The following CACNA2D4 variants were observed in gnomAD, a reference collection of about 807,000 sequenced individuals.
CACNA2D4 encodes voltage-dependent calcium channel subunit alpha-2/delta-4.
CACNA2D4 carries 157 observed loss-of-function variants against 163.8 expected under a neutral mutation model. The ratio of observed to expected loss-of-function variants is 0.96; its 90% confidence interval spans 0.84 to 1.09. The LOEUF is 1.09. Among genes scored for constraint, CACNA2D4 ranks in the 50% least tolerant of loss-of-function variants. The probability of loss-of-function intolerance (pLI) is 0.00; values close to 1 mark genes in which losing one functional copy is unlikely to be tolerated. For missense variants in CACNA2D4, 1,410 were observed against 1,479.9 expected (o/e 0.95, Z 0.78); for synonymous variants, 598 against 586.9 (o/e 1.02, Z -0.27).
intron 6 of CACNA2D4, among the ~76,000 whole-genome samples, chr12:1,892,059 A>G (rs1005398012): frequency 1.1e-4 from 16 of 152,166 alleles, no homozygotes; most frequent in Non-Finnish European, 1.9e-4. Context: ...TGACATCAGG[A>G]CACAGGAAGC....
chr12:1,882,378 C>G (rs1159266185), intron 13 of CACNA2D4, among the ~76,000 whole-genome samples: 2 of 152,234 alleles, frequency 1.3e-5, no homozygotes, highest in South Asian at 4.1e-4. Flanking sequence ...TCTCCCTTCC[C>G]CAGAAAGGTC....
intron 26 of CACNA2D4, among the ~76,000 whole-genome samples, chr12:1,812,536 C>T (rs2154445903): frequency 6.6e-6 from 1 of 152,242 alleles, no homozygotes; most frequent in East Asian, 1.9e-4. Context: ...GGCCAGCTTC[C>T]TAGTGTCTGG....
At chr12:1,794,085 G>T (rs1863045730) in intron 37 of CACNA2D4, among the ~76,000 whole-genome samples, 1 of 152,124 alleles carries the variant, frequency 6.6e-6, no homozygotes, top group Non-Finnish European at 1.5e-5. Flanking sequence ...TGAAGCACCC[G>T]GCTCAGGGCC....
chr12:1,839,912 T>C (rs1206908330), intron 26 of CACNA2D4, among the ~76,000 whole-genome samples: 2 of 152,184 alleles, frequency 1.3e-5, no homozygotes, highest in Non-Finnish European at 2.9e-5. Flanking sequence ...CCCCGCTAGT[T>C]GGGTTGCTTT....
intron 26 of CACNA2D4, chr12:1,827,887 T>TGC (rs1475850974): frequency 1.0e-5 from 4 of 390,980 alleles, no homozygotes; most frequent in African/African-American, 8.3e-5. Flanking sequence ...AGCCGAAGCC[T>TGC]GCCCCGCCCC....
rs1210337404 is a variant in CACNA2D4 at position 1,844,186 on chromosome 12, G to C, written c.2470+216C>G. Among the ~76,000 whole-genome samples, 1 of 152,182 alleles carries C rather than the reference G, an allele frequency of 6.6e-6. No individual in the cohort carries two copies. Among genetic ancestry groups the C allele is most frequent in the African/African-American group, 2.4e-5 (1 of 41,436 alleles). On this transcript the variant is annotated intron_variant, in intron 25 of 37. Coordinates refer to ENST00000382722, the MANE Select transcript of CACNA2D4 (RefSeq NM_172364.5). This position sits in a 1 kb window ranked among gnomAD's most constrained non-coding sequence, Gnocchi z 4.2. ...GGCTGGCTAGGGAATCAAATGATCAGGCTCACCTTCAGCGTGGGACCTGTG... is the reference window on the plus strand; with the variant it reads ...GGCTGGCTAGGGAATCAAATGATCACGCTCACCTTCAGCGTGGGACCTGTG...
intron 9 of CACNA2D4, 25 bp downstream of exon 9, chr12:1,885,940 G>A: frequency 6.4e-7 from 1 of 1,566,462 alleles, no homozygotes; most frequent in Non-Finnish European, 8.8e-7. Context: ...GGGCTTGGAA[G>A]TCTCAGGCCA....
In CACNA2D4 at chr12:1,910,882, G is replaced by A. The variant is rs145993955; in HGVS notation, c.427-917C>T. 4.7e-3 allele frequency among the ~76,000 whole-genome samples: 709 copies of A among 152,216 alleles called. 2 individuals are homozygous for A. Among genetic ancestry groups the A allele is most frequent in the African/African-American group, 0.016 (681 of 41,538 alleles). ...GGGAGTGATTGCTTACTTAGTAACC[G>A]GATTCTGTTTGGGGCGATGAAAAAG... On this transcript the variant is annotated intron_variant, in intron 3 of 37. Coordinates refer to ENST00000382722, the MANE Select transcript of CACNA2D4 (RefSeq NM_172364.5).
In CACNA2D4 at chr12:1,792,356, C is replaced by T. The variant is rs1400957754; in HGVS notation, c.*1299G>A. On this transcript the variant is annotated 3_prime_UTR_variant, in exon 38 of 38. Coordinates refer to ENST00000382722, the MANE Select transcript of CACNA2D4 (RefSeq NM_172364.5). The stretch of plus-strand genomic sequence containing the variant: ...GTGTTTTACAGAGTTGGCATTTGGC[C>T]TACTCTAGAGGCAAGTTAGGGCTAT... The T allele has an allele frequency of 2.0e-5, 3 of 152,230 alleles. No homozygotes were observed. Among genetic ancestry groups the T allele is most frequent in the African/African-American group, 7.2e-5 (3 of 41,440 alleles). 9.4% of individuals were successfully genotyped at this position (152,230 alleles called of 1,614,324 possible). A position where few individuals can be genotyped will look rare whatever the true frequency, so the allele number is the denominator to read the frequency against.
At chr12:1,855,172 T>C (rs1343621584) in intron 22 of CACNA2D4, among the ~76,000 whole-genome samples, 2 of 152,176 alleles carry the variant, frequency 1.3e-5, no homozygotes, top group African/African-American at 4.8e-5. Flanking sequence ...GCTTCTCCAC[T>C]AGAATGTAAG....
chr12:1,858,344 G>A (rs1372404126), intron 20 of CACNA2D4, among the ~76,000 whole-genome samples: 2 of 152,148 alleles, frequency 1.3e-5, no homozygotes, highest in Admixed American at 6.5e-5. Flanking sequence ...AGTGCGGTTG[G>A]CAGGTCTCAG....
chr12:1,848,697 G>C (rs1386620984), intron 23 of CACNA2D4, among the ~76,000 whole-genome samples: 1 of 151,358 alleles, frequency 6.6e-6, no homozygotes, highest in Non-Finnish European at 1.5e-5. Flanking sequence ...TGGCCAATGA[G>C]GTTTTTTCCA....
Position 1,855,999 on chromosome 12 carries a change from G to A in CACNA2D4, c.2152+13C>T, listed in dbSNP as rs143736778. On this transcript the variant is annotated intron_variant, in intron 22 of 37. Coordinates refer to ENST00000382722, the MANE Select transcript of CACNA2D4 (RefSeq NM_172364.5). ...AGAGGAAAAGCTTGCCTCAGTGGGC[G>A]GCCAGCACTCACACTCCAGGTCTGG... The A allele has an allele frequency of 0.012, 18,764 of 1,605,866 alleles. 155 individuals are homozygous for A. The highest frequency in any genetic ancestry group is 0.014 in the Non-Finnish European group (15,973 of 1,172,836).
In CACNA2D4 at chr12:1,880,188, C is replaced by T. The variant is rs117336996; in HGVS notation, c.1486-307G>A. On this transcript the variant is annotated intron_variant, in intron 13 of 37. Transcript: ENST00000382722. ...TCTCTCGTCTCAGCGAGGCCCAGGC[C>T]GAGTGTTAAGTGCAAACCCAGGAAA... is the stretch of plus-strand genomic sequence containing the variant. 9.6e-3 allele frequency among the ~76,000 whole-genome samples: 1,461 copies of T among 152,362 alleles called. 15 individuals are homozygous for T. Among genetic ancestry groups the T allele is most frequent in the Non-Finnish European group, 0.014 (983 of 68,040 alleles).
intron 23 of CACNA2D4, among the ~76,000 whole-genome samples, chr12:1,848,017 T>A (rs1164441581): frequency 6.6e-6 from 1 of 151,738 alleles, no homozygotes; most frequent in Non-Finnish European, 1.5e-5. Flanking sequence ...GTATCTCTTA[T>A]TTGTCTGTCT....
chr12:1,856,051 T>C lies in CACNA2D4; in HGVS notation c.2113A>G (p.Met705Val). ...TCCTTCCTGGTGAGGAAGCGGATCA[T>C]GGCCTCTAGCTGGCTGAGCTTCCGG... is the stretch of plus-strand genomic sequence containing the variant. The part of the protein sequence containing the change: ...DHRKLSQLEA[M>V]IRFLTRKDPD... The change falls in exon 22 of 38, where the codon ATG becomes GTG. Residue 705 changes from methionine to valine, a missense_variant. Coordinates refer to ENST00000382722, the MANE Select transcript of CACNA2D4 (RefSeq NM_172364.5). The C allele has an allele frequency of 3.7e-6, 6 of 1,614,024 alleles. No individual in the cohort carries two copies. Among genetic ancestry groups the C allele is most frequent in the East Asian group, 2.2e-5 (1 of 44,878 alleles).
At chr12:1,813,090 G>A (rs577754745) in intron 26 of CACNA2D4, among the ~76,000 whole-genome samples, 3 of 152,276 alleles carry the variant, frequency 2.0e-5, no homozygotes, top group Admixed American at 6.5e-5. Context: ...TGATCTTTGC[G>A]TTTCGTCTCC....
intron 37 of CACNA2D4, 89 bp downstream of exon 37, chr12:1,795,210 A>G (rs1215559437): frequency 8.4e-7 from 1 of 1,190,682 alleles, no homozygotes; most frequent in African/African-American, 1.5e-5. Context: ...TGGCATCCCT[A>G]TATGCTCCTG....
At chr12:1,814,534 G>T (rs531719241) in intron 26 of CACNA2D4, among the ~76,000 whole-genome samples, 202 of 152,322 alleles carry the variant, frequency 1.3e-3, no homozygotes, top group African/African-American at 4.5e-3. Context: ...GCTGGCTTCA[G>T]CTCTCACTTT....
Sources: gnomAD v4.1 joint callset for allele counts (sites outside exome capture counted in the v4.1 genomes callset) on GRCh38, gnomAD v4.1.1 for gene constraint, Gnocchi (gnomAD v3.1) non-coding constraint, MANE v1.5 for transcripts, NCBI Gene and HGNC (gene_info 2026-07-23, HGNC 2026-07-21) for gene names.